Variants in MAN1A1 observed in about 807,000 individuals in gnomAD.
The protein encoded by MAN1A1 is mannosyl-oligosaccharide 1,2-alpha-mannosidase IA.
MAN1A1 carries 29 observed loss-of-function variants against 70.8 expected under a neutral mutation model. The observed-to-expected ratio is 0.41, with a 90% confidence interval of 0.31 to 0.56. The LOEUF (loss-of-function observed/expected upper bound fraction) is 0.56. Ranked by LOEUF, MAN1A1 falls within the 20% of genes least tolerant of loss-of-function variation. The pLI is 0.29. For synonymous variants in MAN1A1, 349 were observed against 330.1 expected (o/e 1.06, Z -0.62); for missense variants, 747 against 841.3 (o/e 0.89, Z 1.39).
At chr6:119,240,766 AT>A (rs754710795) in intron 6 of MAN1A1, among the ~76,000 whole-genome samples, 4 of 152,358 alleles carry the variant, frequency 2.6e-5, no homozygotes, top group Admixed American at 6.5e-5. Context: ...GTACATTTAA[AT>A]TAAGTGTTGC....
chr6:119,246,447 A>C (rs1345486973), intron 6 of MAN1A1, among the ~76,000 whole-genome samples: 1 of 152,144 alleles, frequency 6.6e-6, no homozygotes. Context: ...GTGGTCTGTG[A>C]ACCCCAAAAT....
At chr6:119,204,670 C>G in intron 7 of MAN1A1, 89 bp downstream of exon 7, 3 of 1,496,442 alleles carry the variant, frequency 2.0e-6, no homozygotes, top group Non-Finnish European at 1.8e-6. Context: ...GTTATTATTT[C>G]CACTTCAAAA....
At chr6:119,275,135 G>GA (rs1353870581) in intron 5 of MAN1A1, among the ~76,000 whole-genome samples, 1 of 151,638 alleles carries the variant, frequency 6.6e-6, no homozygotes, top group Non-Finnish European at 1.5e-5. Context: ...TTTTGAGACA[G>GA]AGTCTCACCC....
rs1172819843 is a variant in MAN1A1, at chr6:119,178,379, T to C, written c.*1440A>G. 6.6e-6 allele frequency: 1 copy of C among 152,160 alleles called. No homozygotes were observed. Among genetic ancestry groups the C allele is most frequent in the African/African-American group, 2.4e-5 (1 of 41,466 alleles). The allele number at this position is 152,160 out of a possible 1,614,324, so 9.4% of individuals were successfully genotyped here. On this transcript the variant is annotated 3_prime_UTR_variant, in exon 13 of 13. Coordinates refer to ENST00000368468, the MANE Select transcript of MAN1A1 (RefSeq NM_005907.4). ...ATCCATGGGGTTGTACTGATCTTTC[T>C]GACCATTCTCGGCTGAAAATTGACA...
intron 2 of MAN1A1, among the ~76,000 whole-genome samples, chr6:119,335,299 T>C (rs1158423138): frequency 6.6e-6 from 1 of 152,186 alleles, no homozygotes; most frequent in African/African-American, 2.4e-5. Flanking sequence ...GAATAATGAA[T>C]GATACATGCC....
chr6:119,297,108 A>G (rs1274751827), intron 4 of MAN1A1, among the ~76,000 whole-genome samples: 1 of 152,232 alleles, frequency 6.6e-6, no homozygotes, highest in Non-Finnish European at 1.5e-5. Flanking sequence ...AAAGAACACA[A>G]TTGAAATTAG....
intron 2 of MAN1A1, among the ~76,000 whole-genome samples, chr6:119,318,087 G>A (rs1000885915): frequency 6.6e-6 from 1 of 152,164 alleles, no homozygotes; most frequent in African/African-American, 2.4e-5. Context: ...CTTATGAAAT[G>A]TAATACTACC....
At chr6:119,285,244 T>C (rs1270845034) in intron 5 of MAN1A1, among the ~76,000 whole-genome samples, 1 of 151,924 alleles carries the variant, frequency 6.6e-6, no homozygotes, top group Non-Finnish European at 1.5e-5. Context: ...TCCCCAAGTG[T>C]TGGGATTACA....
Position 119,325,653 on chromosome 6 carries a change from C to T in MAN1A1, c.604-18661G>A, listed in dbSNP as rs139651331. 4.9e-3 allele frequency among the ~76,000 whole-genome samples: 740 copies of T among 152,162 alleles called. 6 individuals carry two copies. Among genetic ancestry groups the T allele is most frequent in the African/African-American group, 0.017 (701 of 41,528 alleles). ...ACGTGACAGAACAATACTCCGTCGC[C>T]GGGGGCAGGGGGATGTGGATTTTCA... On this transcript the variant is annotated intron_variant, in intron 2 of 12. Coordinates refer to ENST00000368468, the MANE Select transcript of MAN1A1 (RefSeq NM_005907.4).
At chr6:119,248,382 C>CT in intron 5 of MAN1A1, 28 bp from the exon 6 acceptor site, 2 of 1,230,530 alleles carry the variant, frequency 1.6e-6, no homozygotes, top group Non-Finnish European at 2.4e-6. Flanking sequence ...TAACTGTAAG[C>CT]TACTGTTGCA....
At chr6:119,286,460 G>T (rs577989135) in intron 5 of MAN1A1, among the ~76,000 whole-genome samples, 1 of 151,960 alleles carries the variant, frequency 6.6e-6, no homozygotes, top group Non-Finnish European at 1.5e-5. Context: ...AAATTTGGCA[G>T]TATTATATTT....
At chr6:119,340,065 T>C (rs979002837) in intron 2 of MAN1A1, among the ~76,000 whole-genome samples, 6 of 152,120 alleles carry the variant, frequency 3.9e-5, no homozygotes, top group African/African-American at 1.4e-4. Context: ...CACTCCAGCC[T>C]TGGCAACAGA....
chr6:119,177,634 C>T lies in MAN1A1; in HGVS notation c.*2185G>A. 1 of 151,998 alleles carries T rather than the reference C, an allele frequency of 6.6e-6. No individual in the cohort carries two copies. Among genetic ancestry groups the T allele is most frequent in the East Asian group, 1.9e-4 (1 of 5,198 alleles). The allele number at this position is 151,998 out of a possible 1,614,324, so 9.4% of individuals were successfully genotyped here. On this transcript the variant is annotated 3_prime_UTR_variant, in exon 13 of 13. Coordinates refer to ENST00000368468, the MANE Select transcript of MAN1A1 (RefSeq NM_005907.4). ...TAACTTTAATTAAATTACATCACTA[C>T]AATATTAATCTCTTATCTTGTTTAC... is the stretch of plus-strand genomic sequence containing the variant.
intron 11 of MAN1A1, among the ~76,000 whole-genome samples, chr6:119,183,308 C>A (rs1041509692): frequency 6.6e-6 from 1 of 152,184 alleles, no homozygotes; most frequent in Non-Finnish European, 1.5e-5. Context: ...AACTTAAAAA[C>A]AGATGCTTCG....
chr6:119,186,440 A>T (rs886123727), intron 11 of MAN1A1, among the ~76,000 whole-genome samples: 2 of 152,170 alleles, frequency 1.3e-5, no homozygotes, highest in African/African-American at 4.8e-5. Context: ...GGGACAGAAG[A>T]GCCAATGAAT....
At chr6:119,342,469 T>C (rs893231645) in intron 2 of MAN1A1, among the ~76,000 whole-genome samples, 2 of 152,204 alleles carry the variant, frequency 1.3e-5, no homozygotes, top group African/African-American at 4.8e-5. Flanking sequence ...AGCCTCAGGA[T>C]CCAACAAAGT....
intron 2 of MAN1A1, among the ~76,000 whole-genome samples, chr6:119,336,483 G>A (rs1212105881): frequency 6.6e-6 from 1 of 152,182 alleles, no homozygotes; most frequent in African/African-American, 2.4e-5. Flanking sequence ...TACGAGAGAA[G>A]TGATGTTTTA....
intron 5 of MAN1A1, among the ~76,000 whole-genome samples, chr6:119,253,070 T>G (rs992446132): frequency 1.3e-5 from 2 of 152,196 alleles, no homozygotes; most frequent in African/African-American, 4.8e-5. Flanking sequence ...AAGTGTCTTC[T>G]TCTCTTATTC....
intron 4 of MAN1A1, among the ~76,000 whole-genome samples, chr6:119,297,894 C>T (rs988579147): frequency 3.3e-5 from 5 of 151,570 alleles, no homozygotes; most frequent in African/African-American, 1.2e-4. Context: ...AAGAAATCCA[C>T]CAGCCTGGGC....
Sources: allele counts gnomAD v4.1 joint callset (sites outside exome capture counted in the v4.1 genomes callset), GRCh38; gene constraint gnomAD v4.1.1; transcripts MANE v1.5; gene names NCBI Gene and HGNC (gene_info 2026-07-23, HGNC 2026-07-21).